The following GATA6 variants were observed in gnomAD, a reference collection of about 807,000 sequenced individuals.
The protein encoded by GATA6 is transcription factor GATA-6.
In GATA6, 11 loss-of-function variants were observed where a neutral mutation model predicts 48.1. The ratio of observed to expected loss-of-function variants is 0.23; its 90% CI spans 0.14 to 0.38. The LOEUF is 0.38. Ranked by LOEUF, GATA6 falls within the 10% of genes least tolerant of loss-of-function variation. GATA6 has a pLI of 1.00. For missense variants in GATA6, 795 were observed against 850.3 expected (o/e 0.93, Z 0.81); for synonymous variants, 419 against 396.1 (o/e 1.06, Z -0.69).
chr18:22,199,755 T>C (rs1003785626), intron 6 of GATA6, among the ~76,000 whole-genome samples: 1 of 151,792 alleles, frequency 6.6e-6, no homozygotes, highest in Admixed American at 6.6e-5. Context: ...ATACAAAAAT[T>C]AGCCAGGTGT....
intron 3 of GATA6, among the ~76,000 whole-genome samples, chr18:22,177,936 G>T (rs968925382): frequency 8.5e-6 from 1 of 117,322 alleles, no homozygotes; most frequent in East Asian, 2.4e-4. Context: ...ATTCGCACAC[G>T]TTTTACTGTT....
In GATA6 at chr18:22,185,707, G is replaced by A. The variant is rs80021306; in HGVS notation, c.1620+2664G>A. Among the ~76,000 whole-genome samples the A allele has an allele frequency of 0.016, 2,500 of 152,332 alleles. 65 individuals carry two copies. The highest frequency in any genetic ancestry group is 0.046 in the African/African-American group (1,910 of 41,566). On this transcript the variant is annotated intron_variant, in intron 6 of 6. Transcript: ENST00000269216. This position sits in a 1 kb window ranked among gnomAD's most constrained non-coding sequence, Gnocchi z 4.3. ...GCTACTCGTCTGCTGGCTGCCTTTG[G>A]AAGCTGTCCCCCTGTAAGAATACCT...
Position 22,198,287 on chromosome 18 carries a change from T to A in GATA6, c.1621-2369T>A, listed in dbSNP as rs534633150. 6.6e-5 allele frequency among the ~76,000 whole-genome samples: 10 copies of A among 152,168 alleles called. No individual in the cohort carries two copies. The South Asian group carries it at 2.1e-3, about 32-fold the overall frequency. Reference sequence around the variant, plus strand: ...GGTCTCCCAATGTTGCCCAGGCTGGTCTCAAATTCCTGGGCTTAAGTAATC... The same window carrying A: ...GGTCTCCCAATGTTGCCCAGGCTGGACTCAAATTCCTGGGCTTAAGTAATC... On this transcript the variant is annotated intron_variant, in intron 6 of 6. Coordinates refer to ENST00000269216, the MANE Select transcript of GATA6 (RefSeq NM_005257.6).
chr18:22,191,178 A>G (rs970726680), intron 6 of GATA6, among the ~76,000 whole-genome samples: 2 of 152,106 alleles, frequency 1.3e-5, no homozygotes, highest in Non-Finnish European at 2.9e-5. Flanking sequence ...AGTTTGTAAC[A>G]TATGTCCACA....
In GATA6 at chr18:22,171,674, C is replaced by G. The variant is rs1567991858; in HGVS notation, c.530C>G (p.Ala177Gly). Reference sequence around the variant, plus strand: ...TTCGTGCACTCTGCGGCCGCGGCGGCAGCAGCCGCGGCGGCGGCCAGCTCC... The same window carrying G: ...TTCGTGCACTCTGCGGCCGCGGCGGGAGCAGCCGCGGCGGCGGCCAGCTCC... Reference protein sequence around the residue: ...GGFVHSAAAAAAAAAAASSPV... With the variant: ...GGFVHSAAAAGAAAAAASSPV... The change falls in exon 2 of 7, where the codon GCA (alanine) becomes GGA (glycine). Residue 177 changes from alanine to glycine, a missense_variant. Transcript: ENST00000269216. The surrounding 1 kb of genome is among the most constrained non-coding windows in gnomAD (Gnocchi z 7.1). 6.7e-7 allele frequency: 1 copy of G among 1,503,340 alleles called. No individual in the cohort carries two copies. The highest frequency in any genetic ancestry group is 8.8e-7 in the Non-Finnish European group (1 of 1,135,488). The allele number at this position is 1,503,340 out of a possible 1,614,324, so 93.1% of individuals were successfully genotyped here.
At position 22,177,132 on chromosome 18, in the gene GATA6, C is replaced by T; in HGVS notation, c.1302+11C>T. On this transcript the variant is annotated intron_variant, in intron 3 of 6. Transcript: ENST00000269216. ...CCGCAGAAGCGCGTGGTGAGTGTGA[C>T]CCGCCCTGCCCCTGGCTCGCGGCCG... is the stretch of plus-strand genomic sequence containing the variant. The T allele has an allele frequency of 1.9e-6, 3 of 1,541,594 alleles. No individual in the cohort carries two copies. The highest frequency in any genetic ancestry group is 1.7e-6 in the Non-Finnish European group (2 of 1,144,250).
chr18:22,186,675 G>A (rs2033265956), intron 6 of GATA6, among the ~76,000 whole-genome samples: 1 of 152,314 alleles, frequency 6.6e-6, no homozygotes, highest in African/African-American at 2.4e-5. Flanking sequence ...GGGGCTCCAG[G>A]GCTCCCCTCC....
intron 3 of GATA6, among the ~76,000 whole-genome samples, chr18:22,180,580 C>T (rs559547354): frequency 6.6e-6 from 1 of 151,922 alleles, no homozygotes; most frequent in East Asian, 1.9e-4. Context: ...AAGATTATGC[C>T]ATAAAATTTG....
chr18:22,192,202 A>T (rs1487652106), intron 6 of GATA6, among the ~76,000 whole-genome samples: 1 of 152,226 alleles, frequency 6.6e-6, no homozygotes, highest in Admixed American at 6.5e-5. Flanking sequence ...GGTTCTGTAA[A>T]GCCTCTGTTT....
At chr18:22,184,068 G>C (rs2033231307) in intron 6 of GATA6, among the ~76,000 whole-genome samples, 1 of 152,306 alleles carries the variant, frequency 6.6e-6, no homozygotes, top group Non-Finnish European at 1.5e-5. Context: ...GTGGGACTTG[G>C]ATATCTATCT....
At chr18:22,173,949 TG>T (rs2033089284) in intron 2 of GATA6, among the ~76,000 whole-genome samples, 1 of 152,268 alleles carries the variant, frequency 6.6e-6, no homozygotes, top group Admixed American at 6.5e-5. Flanking sequence ...TCCCTCTTTT[TG>T]CTTCTGCTGC....
chr18:22,197,868 T>G (rs1375048192), intron 6 of GATA6, among the ~76,000 whole-genome samples: 1 of 152,088 alleles, frequency 6.6e-6, no homozygotes, highest in African/African-American at 2.4e-5. Flanking sequence ...ATTCCTTTTC[T>G]GACTCTTGGT....
Position 22,172,291 on chromosome 18 carries a change from G to A in GATA6, c.1135+12G>A. The A allele has an allele frequency of 6.5e-7, 1 of 1,531,026 alleles. No individual in the cohort carries two copies. Among genetic ancestry groups the A allele is most frequent in the Non-Finnish European group, 8.7e-7 (1 of 1,144,918 alleles). The allele number at this position is 1,531,026 out of a possible 1,614,324, so 94.8% of individuals were successfully genotyped here. On this transcript the variant is annotated intron_variant, in intron 2 of 6. Coordinates refer to ENST00000269216, the MANE Select transcript of GATA6 (RefSeq NM_005257.6). The surrounding 1 kb of genome is among the most constrained non-coding windows in gnomAD (Gnocchi z 5.2). ...GGGTCCCAGTGCAGGTAAGGGTCGCGCCTCAGGTTCGGGGTGCGGGTCCAA... is the reference window on the plus strand; with the variant it reads ...GGGTCCCAGTGCAGGTAAGGGTCGCACCTCAGGTTCGGGGTGCGGGTCCAA...
At chr18:22,194,941 G>A (rs201143292) in intron 6 of GATA6, among the ~76,000 whole-genome samples, 9 of 152,206 alleles carry the variant, frequency 5.9e-5, no homozygotes, top group East Asian at 5.8e-4. Context: ...CGAGGCAGGC[G>A]GATCACTTGA....
intron 3 of GATA6, 23 bp downstream of exon 3, chr18:22,177,144 C>G: frequency 6.5e-7 from 1 of 1,537,584 alleles, no homozygotes; most frequent in South Asian, 1.2e-5. Flanking sequence ...CGCCCTGCCC[C>G]TGGCTCGCGG....
At chr18:22,179,597 C>A (rs528594405) in intron 3 of GATA6, among the ~76,000 whole-genome samples, 1 of 152,302 alleles carries the variant, frequency 6.6e-6, no homozygotes, top group South Asian at 2.1e-4. Context: ...ATAAAGTGAA[C>A]CTTCCTGTCC....
At chr18:22,182,292 TTG>T (rs796099567) in intron 4 of GATA6, among the ~76,000 whole-genome samples, 2 of 152,302 alleles carry the variant, frequency 1.3e-5, no homozygotes, top group African/African-American at 4.8e-5. Context: ...AGTGTAGTCT[TTG>T]TGCACTTGGG....
intron 6 of GATA6, among the ~76,000 whole-genome samples, chr18:22,195,590 A>T (rs553294233): frequency 6.6e-6 from 1 of 152,300 alleles, no homozygotes; most frequent in South Asian, 2.1e-4. Flanking sequence ...TATTCAAAGA[A>T]AGGTATAGAT....
chr18:22,201,024 G>A lies in GATA6; in HGVS notation c.*201G>A, dbSNP rs564477642. 2 of 700,126 alleles carry A rather than the reference G, an allele frequency of 2.9e-6. No homozygotes were observed. Among genetic ancestry groups the A allele is most frequent in the East Asian group, 2.8e-5 (1 of 36,284 alleles). 43.4% of individuals were successfully genotyped at this position (700,126 alleles called of 1,614,324 possible). On this transcript the variant is annotated 3_prime_UTR_variant, in exon 7 of 7. Coordinates refer to ENST00000269216, the MANE Select transcript of GATA6 (RefSeq NM_005257.6). ...AAGGGAAGGGCCAGTGCAACTGGGC[G>A]CTTGGGCCACTCCAGCCAGCCCGCC...
Sources: allele counts gnomAD v4.1 joint callset (sites outside exome capture counted in the v4.1 genomes callset), GRCh38; gene constraint gnomAD v4.1.1; non-coding constraint Gnocchi (gnomAD v3.1); transcripts MANE v1.5; gene names NCBI Gene and HGNC (gene_info 2026-07-23, HGNC 2026-07-21).